The following CTNNA3 variants were observed in gnomAD, a reference collection of about 807,000 sequenced individuals.
CTNNA3 encodes catenin alpha 3.
CTNNA3 carries 76 observed loss-of-function variants against 95.7 expected under a neutral mutation model. The ratio of observed to expected loss-of-function variants is 0.79; its 90% CI spans 0.66 to 0.96. CTNNA3 has a LOEUF of 0.96. Ranked by LOEUF, CTNNA3 falls within the 40% of genes least tolerant of loss-of-function variation. The probability of loss-of-function intolerance (pLI) is 0.00; values close to 1 mark genes in which losing one functional copy is unlikely to be tolerated. For synonymous variants in CTNNA3, 431 were observed against 374.4 expected (o/e 1.15, Z -1.74); for missense variants, 1,191 against 1,089.8 (o/e 1.09, Z -1.31).
At chr10:67,232,098 T>C (rs543310472) in intron 5 of CTNNA3, among the ~76,000 whole-genome samples, 5 of 152,054 alleles carry the variant, frequency 3.3e-5, no homozygotes, top group Admixed American at 1.3e-4. Flanking sequence ...CAGGATATTA[T>C]CCAGGAGAAC....
chr10:67,199,764 A>C (rs1589854284), intron 6 of CTNNA3, among the ~76,000 whole-genome samples: 1 of 152,316 alleles, frequency 6.6e-6, no homozygotes, highest in Non-Finnish European at 1.5e-5. Context: ...GAATGAAATT[A>C]ATGTTGAAAG....
At chr10:66,680,747 G>A (rs1320505906) in intron 9 of CTNNA3, among the ~76,000 whole-genome samples, 1 of 152,178 alleles carries the variant, frequency 6.6e-6, no homozygotes, top group East Asian at 1.9e-4. Context: ...CAAGATGGGA[G>A]ACAGGGTAGG....
At chr10:66,309,907 AAATAAAT>A (rs2091989748) in intron 12 of CTNNA3, among the ~76,000 whole-genome samples, 2 of 17,258 alleles carry the variant, frequency 1.2e-4, no homozygotes, top group African/African-American at 1.8e-4. Context: ...AAGATACAAA[AAATAAAT>A]AAATAAATAA....
intron 11 of CTNNA3, among the ~76,000 whole-genome samples, chr10:66,485,552 T>C (rs966144452): frequency 5.9e-5 from 9 of 151,980 alleles, no homozygotes; most frequent in Non-Finnish European, 1.3e-4. Context: ...GAAAGATCTG[T>C]TTACTAAAAA....
chr10:65,969,483 A>G lies in CTNNA3; in HGVS notation c.2266-2737T>C, dbSNP rs1310457967. ...GAATTTGAAGTGTGGATTGCAAGGA[A>G]GCTCAATAAGATCCAAGATGAGGTT... On this transcript the variant is annotated intron_variant, in intron 16 of 17. Transcript: ENST00000433211. 2.0e-5 allele frequency among the ~76,000 whole-genome samples: 3 copies of G among 152,180 alleles called. No individual in the cohort carries two copies. The East Asian group carries it at 5.8e-4, about 29-fold the overall frequency.
In CTNNA3 at chr10:67,440,456, G is replaced by A. The variant is rs1001518813; in HGVS notation, c.579+81386C>T. Among the ~76,000 whole-genome samples, 22 of 152,188 alleles carry A rather than the reference G, an allele frequency of 1.4e-4. No individual in the cohort carries two copies. In the South Asian group the frequency reaches 1.7e-3, roughly 12 times the overall value. ...AAGGACATAAACCTAGCTGGCTTCCGAACCTACTGATTGTAGAACCCTAGA... is the reference window on the plus strand; with the variant it reads ...AAGGACATAAACCTAGCTGGCTTCCAAACCTACTGATTGTAGAACCCTAGA... On this transcript the variant is annotated intron_variant, in intron 5 of 17. Coordinates refer to ENST00000433211, the MANE Select transcript of CTNNA3 (RefSeq NM_013266.4).
At chr10:67,505,579 G>A (rs982996850) in intron 5 of CTNNA3, among the ~76,000 whole-genome samples, 1 of 152,082 alleles carries the variant, frequency 6.6e-6, no homozygotes, top group Non-Finnish European at 1.5e-5. Context: ...AAACAGTAAG[G>A]TTAAAACAAA....
chr10:66,043,986 GTGTGTGTGTT>G (rs1430053780), intron 15 of CTNNA3, among the ~76,000 whole-genome samples: 129 of 146,304 alleles, frequency 8.8e-4, no homozygotes, highest in Middle Eastern at 3.5e-3. Flanking sequence ...GTGTGTGTGT[GTGTGTGTGTT>G]TGTGTGTGTC....
intron 5 of CTNNA3, among the ~76,000 whole-genome samples, chr10:67,259,117 C>G (rs944407377): frequency 6.6e-6 from 1 of 152,080 alleles, no homozygotes; most frequent in Non-Finnish European, 1.5e-5. Flanking sequence ...GATAGGAAAC[C>G]AGTGGATTCA....
intron 16 of CTNNA3, among the ~76,000 whole-genome samples, chr10:65,977,624 T>C (rs2078231618): frequency 6.6e-6 from 1 of 151,806 alleles, no homozygotes; most frequent in African/African-American, 2.4e-5. Context: ...CTACTCAAAA[T>C]ATGAAATATT....
chr10:65,992,612 T>G (rs1316211362), intron 15 of CTNNA3, among the ~76,000 whole-genome samples: 1 of 152,152 alleles, frequency 6.6e-6, no homozygotes, highest in Non-Finnish European at 1.5e-5. Context: ...TTTATAATTT[T>G]GTTTATTTGG....
At chr10:67,655,570 C>T (rs958505757) in intron 1 of CTNNA3, among the ~76,000 whole-genome samples, 4 of 152,112 alleles carry the variant, frequency 2.6e-5, no homozygotes, top group Non-Finnish European at 5.9e-5. Flanking sequence ...CCTTCCACTA[C>T]AATCTCCTGA....
intron 7 of CTNNA3, among the ~76,000 whole-genome samples, chr10:67,164,672 C>T (rs913724195): frequency 2.0e-5 from 3 of 152,026 alleles, no homozygotes; most frequent in Admixed American, 6.5e-5. Context: ...GTATAAACAA[C>T]TCTTAATAAT....
At chr10:67,683,050 A>C (rs1840657205) in intron 1 of CTNNA3, among the ~76,000 whole-genome samples, 1 of 152,202 alleles carries the variant, frequency 6.6e-6, no homozygotes. Flanking sequence ...GTCAATTAGC[A>C]AGCAGAGGAG....
At chr10:66,182,333 G>T (rs1160140236) in intron 13 of CTNNA3, among the ~76,000 whole-genome samples, 2 of 148,718 alleles carry the variant, frequency 1.3e-5, no homozygotes, top group Non-Finnish European at 3.0e-5. Flanking sequence ...TTGGCTCACT[G>T]CGAGCTCCGC....
At chr10:67,100,635 T>G (rs193050966) in intron 7 of CTNNA3, among the ~76,000 whole-genome samples, 1 of 151,862 alleles carries the variant, frequency 6.6e-6, no homozygotes, top group South Asian at 2.1e-4. Flanking sequence ...TGTTTACTTA[T>G]GTTTGGAGCT....
At chr10:66,605,351 G>A (rs1844080661) in intron 10 of CTNNA3, among the ~76,000 whole-genome samples, 1 of 152,130 alleles carries the variant, frequency 6.6e-6, no homozygotes, top group Non-Finnish European at 1.5e-5. Flanking sequence ...CCCTGAAAGA[G>A]ACAGAAAGAG....
intron 7 of CTNNA3, among the ~76,000 whole-genome samples, chr10:66,979,913 T>A (rs1850313021): frequency 6.6e-6 from 1 of 152,220 alleles, no homozygotes; most frequent in African/African-American, 2.4e-5. Context: ...TTTGTTGTGT[T>A]CTGCTTTGCT....
intron 7 of CTNNA3, among the ~76,000 whole-genome samples, chr10:66,842,185 C>T (rs1348031832): frequency 6.6e-6 from 1 of 152,014 alleles, no homozygotes; most frequent in Non-Finnish European, 1.5e-5. Flanking sequence ...TCAAGCAATC[C>T]TCCTGCCTCA....
Sources: gnomAD v4.1 joint callset for allele counts (sites outside exome capture counted in the v4.1 genomes callset) on GRCh38, gnomAD v4.1.1 for gene constraint, MANE v1.5 for transcripts, NCBI Gene and HGNC (gene_info 2026-07-23, HGNC 2026-07-21) for gene names.